Variants in PELI2 observed in about 807,000 individuals in gnomAD.
The protein encoded by PELI2 is pellino E3 ubiquitin protein ligase family member 2, also known as E3 ubiquitin-protein ligase pellino homolog 2.
Under a neutral mutation model 42.3 loss-of-function variants are expected in PELI2, and 23 were observed. The observed-to-expected ratio is 0.54, with a 90% CI of 0.39 to 0.77. The LOEUF (loss-of-function observed/expected upper bound fraction) is 0.77. Ranked by LOEUF, PELI2 falls within the 30% of genes least tolerant of loss-of-function variation. The probability of loss-of-function intolerance (pLI) is 0.00; values close to 1 mark genes in which losing one functional copy is unlikely to be tolerated. For missense variants in PELI2, 463 were observed against 553.2 expected (o/e 0.84, Z 1.64); for synonymous variants, 245 against 212.2 (o/e 1.15, Z -1.34).
intron 2 of PELI2, among the ~76,000 whole-genome samples, chr14:56,258,296 C>T (rs191590591): frequency 6.6e-6 from 1 of 151,958 alleles, no homozygotes; most frequent in Non-Finnish European, 1.5e-5. Context: ...ACCGCCCCCC[C>T]ACCCCCGCAA....
intron 2 of PELI2, among the ~76,000 whole-genome samples, chr14:56,217,200 G>T (rs1042547993): frequency 2.0e-5 from 3 of 152,188 alleles, no homozygotes; most frequent in African/African-American, 7.2e-5. Context: ...CATAGAGGAG[G>T]AAACGGAAAC....
intron 2 of PELI2, among the ~76,000 whole-genome samples, chr14:56,214,708 T>A (rs562781899): frequency 2.6e-5 from 4 of 152,320 alleles, no homozygotes; most frequent in African/African-American, 7.2e-5. Context: ...TTGGGTGGAA[T>A]ACTGTATAGG....
chr14:56,280,277 A>G (rs1249066964), intron 3 of PELI2, among the ~76,000 whole-genome samples: 2 of 152,234 alleles, frequency 1.3e-5, no homozygotes, highest in South Asian at 2.1e-4. Flanking sequence ...ATTTATCTCA[A>G]AAGTTCTTTT....
rs578107655 is a variant in PELI2, at chr14:56,291,869, C to T, written c.696+1413C>T. Among the ~76,000 whole-genome samples, 4 of 152,322 alleles carry T rather than the reference C, an allele frequency of 2.6e-5. No homozygotes were observed. The South Asian group carries it at 8.3e-4, about 32-fold the overall frequency. ...TGTCACAGAGTTAGCAGGTGGCAGCCAGTGGGATTCAAACTCAGGTCTCCC... is the reference window on the plus strand; with the variant it reads ...TGTCACAGAGTTAGCAGGTGGCAGCTAGTGGGATTCAAACTCAGGTCTCCC... On this transcript the variant is annotated intron_variant, in intron 5 of 5. Coordinates refer to ENST00000267460, the MANE Select transcript of PELI2 (RefSeq NM_021255.3).
intron 2 of PELI2, among the ~76,000 whole-genome samples, chr14:56,221,053 C>CA (rs777022437): frequency 3.3e-4 from 51 of 152,310 alleles, no homozygotes; most frequent in Admixed American, 7.8e-4. Flanking sequence ...AGACTGGAGA[C>CA]AAAGCCGTGC....
chr14:56,283,625 A>G (rs780443916), intron 3 of PELI2, among the ~76,000 whole-genome samples: 1 of 152,358 alleles, frequency 6.6e-6, no homozygotes, highest in East Asian at 1.9e-4. Context: ...TAGCTGAGAA[A>G]TATGGGTGTT....
intron 2 of PELI2, among the ~76,000 whole-genome samples, chr14:56,210,718 A>G (rs1380926456): frequency 1.3e-5 from 2 of 152,146 alleles, no homozygotes; most frequent in Non-Finnish European, 1.5e-5. Flanking sequence ...TGGCCACCAC[A>G]TGTGTTGAAG....
At chr14:56,285,472 CAG>C (rs968625429) in intron 3 of PELI2, among the ~76,000 whole-genome samples, 69 of 152,060 alleles carry the variant, frequency 4.5e-4, no homozygotes, top group African/African-American at 1.4e-3. Flanking sequence ...GTCTGAAGCT[CAG>C]GGGAGAGATG....
At position 56,171,315 on chromosome 14, in the gene PELI2, T is replaced by G. The variant is rs141821374; in HGVS notation, c.78-7020T>G. ...TAAAAGGATGAGTTCAATTTCTTGC[T>G]CTCTCTGGTACACATGCTCTCTTAC... On this transcript the variant is annotated intron_variant, in intron 1 of 5. Transcript: ENST00000267460. Among the ~76,000 whole-genome samples the G allele has an allele frequency of 1.3e-3, 202 of 152,272 alleles. 1 individual carries two copies. The highest frequency in any genetic ancestry group is 3.4e-3 in the Middle Eastern group (1 of 294).
At chr14:56,150,445 C>G (rs1445638648) in intron 1 of PELI2, among the ~76,000 whole-genome samples, 1 of 151,790 alleles carries the variant, frequency 6.6e-6, no homozygotes, top group East Asian at 1.9e-4. Context: ...TTTAAGTATA[C>G]TCAGTAGTCA....
At chr14:56,226,186 CTGTCTCG>C (rs1887347915) in intron 2 of PELI2, among the ~76,000 whole-genome samples, 4 of 152,188 alleles carry the variant, frequency 2.6e-5, no homozygotes, top group Admixed American at 1.3e-4. Flanking sequence ...TCTGACCCAC[CTGTCTCG>C]TTAGCCCACC....
intron 2 of PELI2, among the ~76,000 whole-genome samples, chr14:56,240,228 T>G (rs1887924906): frequency 2.6e-5 from 4 of 152,050 alleles, no homozygotes; most frequent in Admixed American, 2.6e-4. Context: ...AGGGGAAGAC[T>G]GGAGGGCAGG....
intron 2 of PELI2, among the ~76,000 whole-genome samples, chr14:56,265,488 T>A (rs931758664): frequency 3.3e-5 from 5 of 152,102 alleles, no homozygotes; most frequent in Admixed American, 2.6e-4. Flanking sequence ...ATCATAAAAC[T>A]AAATATAAAA....
At chr14:56,196,331 C>T (rs775654657) in intron 2 of PELI2, among the ~76,000 whole-genome samples, 10 of 152,058 alleles carry the variant, frequency 6.6e-5, no homozygotes, top group Non-Finnish European at 1.2e-4. Context: ...TGGAGAAGGC[C>T]CTTCTAAGTC....
At chr14:56,238,966 A>G (rs939189464) in intron 2 of PELI2, among the ~76,000 whole-genome samples, 3 of 152,196 alleles carry the variant, frequency 2.0e-5, no homozygotes, top group Admixed American at 2.0e-4. Context: ...AAACCAACTC[A>G]AGCAGTAAAT....
At position 56,180,066 on chromosome 14, in the gene PELI2, A is replaced by G. The variant is rs1885524217; in HGVS notation, c.207+1602A>G. Among the ~76,000 whole-genome samples, 1 of 152,178 alleles carries G rather than the reference A, an allele frequency of 6.6e-6. No individual in the cohort carries two copies. Among genetic ancestry groups the G allele is most frequent in the Admixed American group, 6.5e-5 (1 of 15,272 alleles). On this transcript the variant is annotated intron_variant, in intron 2 of 5. Coordinates refer to ENST00000267460, the MANE Select transcript of PELI2 (RefSeq NM_021255.3). This position sits in a 1 kb window ranked among gnomAD's most constrained non-coding sequence, Gnocchi z 4.4. ...TTTTAGCCTTTTATGTTTTACTTTT[A>G]TACCTAGATTTTACTTCCAAGTTAT...
chr14:56,254,102 A>G (rs1482990806), intron 2 of PELI2, among the ~76,000 whole-genome samples: 2 of 152,184 alleles, frequency 1.3e-5, no homozygotes, highest in Non-Finnish European at 2.9e-5. Flanking sequence ...AGGATTTCCT[A>G]CTTAATAAAT....
intron 1 of PELI2, among the ~76,000 whole-genome samples, chr14:56,164,392 A>G (rs546818118): frequency 2.6e-4 from 39 of 152,198 alleles, no homozygotes; most frequent in Admixed American, 1.1e-3. Flanking sequence ...AATAAATCCC[A>G]CTTGGTCATG....
At chr14:56,128,596 C>T (rs1300479785) in intron 1 of PELI2, among the ~76,000 whole-genome samples, 1 of 152,016 alleles carries the variant, frequency 6.6e-6, no homozygotes, top group Admixed American at 6.6e-5. Context: ...GAGAGGTGAC[C>T]TGGGTTTTTT....
Sources: gnomAD v4.1 joint callset for allele counts (sites outside exome capture counted in the v4.1 genomes callset) on GRCh38, gnomAD v4.1.1 for gene constraint, Gnocchi (gnomAD v3.1) non-coding constraint, MANE v1.5 for transcripts, NCBI Gene and HGNC (gene_info 2026-07-23, HGNC 2026-07-21) for gene names.